PRKG1: variants seen among roughly 807,000 people sequenced by gnomAD.
The protein encoded by PRKG1 is cGMP-dependent protein kinase 1.
PRKG1 carries 35 observed loss-of-function variants against 88.1 expected under a neutral mutation model. That is an observed-to-expected ratio of 0.40 (90% confidence interval 0.30 to 0.53). The LOEUF (loss-of-function observed/expected upper bound fraction) is 0.53. Among genes scored for constraint, PRKG1 ranks in the 20% least tolerant of loss-of-function variants. The pLI is 0.59. For synonymous variants in PRKG1, 303 were observed against 292.5 expected, an observed-to-expected ratio of 1.04 and a Z score of -0.37; for missense variants, 540 against 839.8, an observed-to-expected ratio of 0.64 and a Z score of 4.41.
chr10:51,505,228 A>G (rs562797779), intron 3 of PRKG1, among the ~76,000 whole-genome samples: 4 of 152,260 alleles, frequency 2.6e-5, no homozygotes, highest in Admixed American at 6.5e-5. Flanking sequence ...TATTGAGATA[A>G]TCATGTGGTT....
intron 3 of PRKG1, among the ~76,000 whole-genome samples, chr10:51,802,281 T>G (rs1839192090): frequency 6.6e-6 from 1 of 152,170 alleles, no homozygotes; most frequent in African/African-American, 2.4e-5. Context: ...GGTTTTGGTA[T>G]CATGCCCAAG....
chr10:52,061,515 A>G (rs180986784), intron 6 of PRKG1, among the ~76,000 whole-genome samples: 4 of 152,184 alleles, frequency 2.6e-5, no homozygotes, highest in African/African-American at 9.6e-5. Context: ...ACAAAGGTAC[A>G]AGTTACTCTA....
chr10:51,436,552 G>A (rs1219565568), intron 2 of PRKG1, among the ~76,000 whole-genome samples: 1 of 151,898 alleles, frequency 6.6e-6, no homozygotes, highest in African/African-American at 2.4e-5. Flanking sequence ...CTTTAACTTT[G>A]CCTGTCACAC....
intron 10 of PRKG1, among the ~76,000 whole-genome samples, chr10:52,265,468 C>T (rs1054899828): frequency 5.3e-5 from 8 of 152,026 alleles, no homozygotes; most frequent in African/African-American, 1.7e-4. Flanking sequence ...AAATAAGCTA[C>T]GAGCTCTTAA....
intron 8 of PRKG1, among the ~76,000 whole-genome samples, chr10:52,152,833 A>C (rs1837972981): frequency 6.6e-6 from 1 of 152,210 alleles, no homozygotes; most frequent in Admixed American, 6.5e-5. Flanking sequence ...AAGTTAGAAT[A>C]TACAGGATTT....
chr10:51,461,089 A>G (rs1416851402), intron 2 of PRKG1, among the ~76,000 whole-genome samples: 2 of 152,178 alleles, frequency 1.3e-5, no homozygotes, highest in Non-Finnish European at 2.9e-5. Flanking sequence ...GTTTTAGTTC[A>G]TATGCAATAT....
At chr10:51,284,767 TTA>T (rs951720361) in intron 2 of PRKG1, among the ~76,000 whole-genome samples, 2 of 151,980 alleles carry the variant, frequency 1.3e-5, no homozygotes, top group African/African-American at 4.8e-5. Flanking sequence ...AGGGCCATGT[TTA>T]TATATATATT....
chr10:52,269,028 G>T (rs908100651), intron 10 of PRKG1, among the ~76,000 whole-genome samples: 4 of 151,520 alleles, frequency 2.6e-5, no homozygotes, highest in African/African-American at 9.7e-5. Flanking sequence ...TGACTATAAA[G>T]GCTGAATTCT....
intron 5 of PRKG1, among the ~76,000 whole-genome samples, chr10:51,926,766 T>C (rs1043828646): frequency 2.0e-5 from 3 of 151,162 alleles, no homozygotes; most frequent in Non-Finnish European, 4.4e-5. Context: ...TTTTTTTTTT[T>C]AACTGAATAA....
intron 2 of PRKG1, among the ~76,000 whole-genome samples, chr10:51,167,438 G>A (rs1000417754): frequency 4.6e-5 from 7 of 152,172 alleles, no homozygotes; most frequent in African/African-American, 1.2e-4. Context: ...CCTGTAAGTA[G>A]ACTGCTTTTC....
At chr10:52,220,405 G>A (rs536261649) in intron 9 of PRKG1, among the ~76,000 whole-genome samples, 1 of 148,934 alleles carries the variant, frequency 6.7e-6, no homozygotes, top group East Asian at 1.9e-4. Context: ...CTGCAGAGAT[G>A]ACATCTTTTA....
chr10:51,198,260 G>T (rs779531654), intron 2 of PRKG1, among the ~76,000 whole-genome samples: 1 of 151,890 alleles, frequency 6.6e-6, no homozygotes, highest in African/African-American at 2.4e-5. Context: ...CCTTTTTTCC[G>T]CATGATAATA....
chr10:51,472,143 T>C (rs76559750), intron 3 of PRKG1, among the ~76,000 whole-genome samples: 3,033 of 151,984 alleles, frequency 0.02, 31 homozygotes, highest in South Asian at 0.028. Flanking sequence ...TCCTAGGATA[T>C]TAGTAAAGGG....
intron 3 of PRKG1, among the ~76,000 whole-genome samples, chr10:51,512,463 C>A (rs1467446154): frequency 7.3e-6 from 1 of 136,768 alleles, no homozygotes; most frequent in South Asian, 2.5e-4. Context: ...TTTGTTCTTG[C>A]GATAGTTTAC....
At chr10:51,149,191 T>G (rs1846005776) in intron 1 of PRKG1, among the ~76,000 whole-genome samples, 1 of 152,192 alleles carries the variant, frequency 6.6e-6, no homozygotes, top group Admixed American at 6.6e-5. Context: ...ATATAATCTT[T>G]ATTTCAGAGA....
intron 6 of PRKG1, among the ~76,000 whole-genome samples, chr10:52,061,039 C>T (rs1037756852): frequency 6.6e-6 from 1 of 151,796 alleles, no homozygotes; most frequent in Non-Finnish European, 1.5e-5. Flanking sequence ...AATAAGGGCC[C>T]AGTAACCTTT....
At chr10:52,259,359 G>C (rs548081843) in intron 10 of PRKG1, among the ~76,000 whole-genome samples, 82 of 152,044 alleles carry the variant, frequency 5.4e-4, no homozygotes, top group African/African-American at 2.0e-3. Context: ...CTTTCAAAGA[G>C]GGATTCCTTC....
At chr10:51,308,373 C>T (rs1037848024) in intron 2 of PRKG1, among the ~76,000 whole-genome samples, 7 of 152,014 alleles carry the variant, frequency 4.6e-5, no homozygotes, top group African/African-American at 1.7e-4. Context: ...TTTCAGTTTC[C>T]TTGTATGTTA....
intron 2 of PRKG1, among the ~76,000 whole-genome samples, chr10:51,385,993 A>G (rs1399033952): frequency 6.6e-6 from 1 of 152,162 alleles, no homozygotes; most frequent in Non-Finnish European, 1.5e-5. Flanking sequence ...CATGAGTTAA[A>G]TTTCTCATTG....
Sources: allele counts gnomAD v4.1 joint callset (sites outside exome capture counted in the v4.1 genomes callset), GRCh38; gene constraint gnomAD v4.1.1; transcripts MANE v1.5; gene names NCBI Gene and HGNC (gene_info 2026-07-23, HGNC 2026-07-21).